The following RGS6 variants were observed in gnomAD, a reference collection of about 807,000 sequenced individuals.
RGS6 encodes the protein regulator of G protein signaling 6.
RGS6 carries 30 observed loss-of-function variants against 78.5 expected under a neutral mutation model. The observed-to-expected ratio is 0.38, with a 90% CI of 0.29 to 0.52. The LOEUF (loss-of-function observed/expected upper bound fraction) is 0.52. Among genes scored for constraint, RGS6 ranks in the 20% least tolerant of loss-of-function variants. The probability of loss-of-function intolerance (pLI) is 0.85; values close to 1 mark genes in which losing one functional copy is unlikely to be tolerated. For missense variants in RGS6, 495 were observed against 609.7 expected, an observed-to-expected ratio of 0.81 and a Z score of 1.98; for synonymous variants, 206 against 206.0, an observed-to-expected ratio of 1.00 and a Z score of 0.00.
chr14:72,459,721 A>ACTGAG, intron 6 of RGS6, 38 bp downstream of exon 6: 2 of 1,596,742 alleles, frequency 1.3e-6, no homozygotes, highest in Non-Finnish European at 1.7e-6. Context: ...CAACTTCAAC[A>ACTGAG]CTGTGTGTCA....
the RGS6 span, among the ~76,000 whole-genome samples, chr14:72,621,787 G>A: frequency 6.6e-6 from 1 of 152,202 alleles, no homozygotes; most frequent in African/African-American, 2.4e-5. Context: ...AAGCATCATT[G>A]ATTAGATGGG....
At chr14:72,548,242 G>A (rs2097437584) in intron 17 of RGS6, among the ~76,000 whole-genome samples, 1 of 152,030 alleles carries the variant, frequency 6.6e-6, no homozygotes, top group African/African-American at 2.4e-5. Flanking sequence ...TGGCTCATTT[G>A]GTAGATAATG....
chr14:72,462,414 C>T (rs151082570), intron 6 of RGS6, among the ~76,000 whole-genome samples: 5 of 152,146 alleles, frequency 3.3e-5, no homozygotes, highest in Non-Finnish European at 7.3e-5. Context: ...AATGAACACA[C>T]TTTCCCAAGT....
chr14:72,088,556 T>C (rs1239630011), intron 2 of RGS6, among the ~76,000 whole-genome samples: 1 of 152,166 alleles, frequency 6.6e-6, no homozygotes, highest in Non-Finnish European at 1.5e-5. Context: ...TCATCTCTTG[T>C]TCGGATAACT....
At chr14:72,507,423 A>G (rs551306431) in intron 13 of RGS6, among the ~76,000 whole-genome samples, 1 of 152,272 alleles carries the variant, frequency 6.6e-6, no homozygotes, top group East Asian at 1.9e-4. Context: ...GTTTTAAGCC[A>G]CCCAGTTTGT....
Position 72,110,824 on chromosome 14 carries a change from C to G in RGS6, c.84+145949C>G, listed in dbSNP as rs149596993. Reference sequence around the variant, plus strand: ...CAAGGACCATGAGAGTCTGGGGAGCCTGGGACATTGCCCACACTCTGCTAA... The same window carrying G: ...CAAGGACCATGAGAGTCTGGGGAGCGTGGGACATTGCCCACACTCTGCTAA... On this transcript the variant is annotated intron_variant, in intron 2 of 17. Coordinates refer to ENST00000553525, the MANE Select transcript of RGS6 (RefSeq NM_001204424.2). Among the ~76,000 whole-genome samples, 215 of 152,266 alleles carry G rather than the reference C, an allele frequency of 1.4e-3. 1 individual carries two copies. The highest frequency in any genetic ancestry group is 5.0e-3 in the African/African-American group (206 of 41,554).
intron 3 of RGS6, among the ~76,000 whole-genome samples, chr14:72,354,471 C>CAA (rs56117958): frequency 0.12 from 15,507 of 128,218 alleles, 1,866 homozygotes; most frequent in African/African-American, 0.31. Context: ...ACTAAAAATA[C>CAA]AAAAAAAAAA....
chr14:72,319,683 C>T (rs959178118), intron 2 of RGS6, among the ~76,000 whole-genome samples: 14 of 152,086 alleles, frequency 9.2e-5, no homozygotes, highest in Non-Finnish European at 2.9e-5. Flanking sequence ...GATTTTGAAG[C>T]AGCCAAAGTA....
intron 3 of RGS6, among the ~76,000 whole-genome samples, chr14:72,422,633 A>G (rs1229973160): frequency 6.6e-6 from 1 of 152,100 alleles, no homozygotes; most frequent in Non-Finnish European, 1.5e-5. Flanking sequence ...TCCTTGTCCA[A>G]GATTGGGGAG....
At chr14:72,258,949 G>A (rs894275574) in intron 2 of RGS6, among the ~76,000 whole-genome samples, 13 of 152,118 alleles carry the variant, frequency 8.5e-5, no homozygotes, top group Non-Finnish European at 1.2e-4. Flanking sequence ...AGGAGAAAAT[G>A]GAAACCTTAT....
In RGS6 at chr14:71,957,805, G is replaced by A. The variant is rs116354970; in HGVS notation, c.-20-6967G>A. The stretch of plus-strand genomic sequence containing the variant: ...TTCAGAGATCAGTCCTCACCCTGTC[G>A]CCCTGGCTGGAGTGCAGTGGTGTGA... On this transcript the variant is annotated intron_variant, in intron 1 of 17. Transcript: ENST00000553525. Among the ~76,000 whole-genome samples, 679 of 151,968 alleles carry A rather than the reference G, an allele frequency of 4.5e-3. 8 individuals are homozygous for A. The highest frequency in any genetic ancestry group is 0.016 in the African/African-American group (646 of 41,422).
At chr14:72,074,746 G>A (rs1471877599) in intron 2 of RGS6, among the ~76,000 whole-genome samples, 1 of 152,038 alleles carries the variant, frequency 6.6e-6, no homozygotes, top group Non-Finnish European at 1.5e-5. Context: ...AAATGTTTTT[G>A]TGCATTGCTT....
chr14:71,954,970 G>A (rs72735921), intron 1 of RGS6, among the ~76,000 whole-genome samples: 20,592 of 152,100 alleles, frequency 0.14, 1,716 homozygotes, highest in East Asian at 0.2. Flanking sequence ...TTCACCATGC[G>A]TTGTAATTTT....
chr14:71,984,993 T>C (rs763450113), intron 2 of RGS6, among the ~76,000 whole-genome samples: 2 of 152,266 alleles, frequency 1.3e-5, no homozygotes, highest in Non-Finnish European at 2.9e-5. Flanking sequence ...TCCTTGAATA[T>C]GTATCAGTAG....
At chr14:71,970,244 A>C (rs934631761) in intron 2 of RGS6, among the ~76,000 whole-genome samples, 1 of 152,190 alleles carries the variant, frequency 6.6e-6, no homozygotes, top group Non-Finnish European at 1.5e-5. Flanking sequence ...AGAGGAAGAC[A>C]AAAAAGGCCA....
At chr14:72,225,365 C>A (rs2108467) in intron 2 of RGS6, among the ~76,000 whole-genome samples, 2 of 151,864 alleles carry the variant, frequency 1.3e-5, no homozygotes, top group Non-Finnish European at 2.9e-5. Context: ...TGCTGTCACC[C>A]AGGCAAGAGT....
intron 2 of RGS6, among the ~76,000 whole-genome samples, chr14:72,188,105 A>G (rs573011803): frequency 6.6e-6 from 1 of 152,060 alleles, no homozygotes; most frequent in East Asian, 1.9e-4. Context: ...TCCTAAGTGC[A>G]AGAAGGCTGT....
chr14:72,599,765 G>A, the RGS6 span, among the ~76,000 whole-genome samples: 2 of 151,978 alleles, frequency 1.3e-5, no homozygotes, highest in African/African-American at 4.8e-5. Flanking sequence ...CCTGATGAGA[G>A]CAGGGAGCAG....
intron 14 of RGS6, among the ~76,000 whole-genome samples, chr14:72,513,014 G>A (rs967162486): frequency 7.2e-5 from 11 of 152,214 alleles, no homozygotes; most frequent in African/African-American, 1.7e-4. Context: ...CATGTTGGCC[G>A]TGCTGGAGTC....
Sources: allele counts gnomAD v4.1 joint callset (sites outside exome capture counted in the v4.1 genomes callset), GRCh38; gene constraint gnomAD v4.1.1; transcripts MANE v1.5; gene names NCBI Gene and HGNC (gene_info 2026-07-23, HGNC 2026-07-21).